The following MGAM variants were observed in gnomAD, a reference collection of about 807,000 sequenced individuals.
MGAM encodes maltase-glucoamylase, also known as alpha-1,4-glucosidase.
MGAM carries 253 observed loss-of-function variants against 358.8 expected under a neutral mutation model. That is an observed-to-expected ratio of 0.71 (90% CI 0.64 to 0.78). The LOEUF is 0.78. Among genes scored for constraint, MGAM ranks in the 30% least tolerant of loss-of-function variants. MGAM has a pLI of 0.00. For missense variants in MGAM, 3,080 were observed against 3,432.6 expected, an observed-to-expected ratio of 0.90 and a Z score of 2.57; for synonymous variants, 1,105 against 1,227.1, an observed-to-expected ratio of 0.90 and a Z score of 2.08.
At chr7:142,087,350 A>AT (rs893335631) in intron 57 of MGAM, among the ~76,000 whole-genome samples, 1 of 145,186 alleles carries the variant, frequency 6.9e-6, no homozygotes, top group South Asian at 2.2e-4. Flanking sequence ...CTGTACCTGA[A>AT]TTTTTTTCCA....
At chr7:142,007,522 G>T (rs562136738) in intron 2 of MGAM, among the ~76,000 whole-genome samples, 32 of 151,986 alleles carry the variant, frequency 2.1e-4, no homozygotes, top group Non-Finnish European at 4.6e-4. Context: ...TGATTCTAAA[G>T]ATGTAACTAA....
intron 25 of MGAM, 85 bp downstream of exon 25, chr7:142,052,531 A>T (rs1445612706): frequency 4.7e-5 from 72 of 1,528,110 alleles, no homozygotes; most frequent in Non-Finnish European, 6.2e-5. Context: ...TACTTACATA[A>T]CTACTTAAAA....
At chr7:142,043,640 A>G (rs1327482306) in intron 21 of MGAM, among the ~76,000 whole-genome samples, 2 of 134,684 alleles carry the variant, frequency 1.5e-5, no homozygotes, top group African/African-American at 5.5e-5. Context: ...ATATATACAT[A>G]TACTATCTAA....
At chr7:142,078,558 A>G in intron 48 of MGAM, 88 bp downstream of exon 48, 1 of 1,287,808 alleles carries the variant, frequency 7.8e-7, no homozygotes, top group Non-Finnish European at 1.1e-6. Flanking sequence ...TTATATAACT[A>G]CTTAAAATCC....
In MGAM at chr7:142,066,118, G is replaced by A. The variant is rs552504426; in HGVS notation, c.4770+287G>A. Among the ~76,000 whole-genome samples, 105 of 144,470 alleles carry A rather than the reference G, an allele frequency of 7.3e-4. 9 individuals are homozygous for A. Among genetic ancestry groups the A allele is most frequent in the African/African-American group, 2.3e-3 (94 of 40,926 alleles). The allele number at this position is 144,470 out of a possible 152,430, so 94.8% of individuals were successfully genotyped here. A position where few individuals can be genotyped will look rare whatever the true frequency, so the allele number is the denominator to read the frequency against. ...AGCTGGGATAAAGGCACATCCCAGC[G>A]TGGCTACCTAATTTTTGATTTTTTG... is the stretch of plus-strand genomic sequence containing the variant. On this transcript the variant is annotated intron_variant, in intron 40 of 70. Coordinates refer to ENST00000475668, the MANE Select transcript of MGAM (RefSeq NM_001365693.1).
chr7:142,055,729 A>G lies in MGAM; in HGVS notation c.3483+3A>G, dbSNP rs749936123. On this transcript the variant is annotated splice_donor_region_variant and intron_variant, in intron 28 of 70. Coordinates refer to ENST00000475668, the MANE Select transcript of MGAM (RefSeq NM_001365693.1). The stretch of plus-strand genomic sequence containing the variant: ...TCTCCCGAGACCAGCCCCCAGGGGT[A>G]AGGACAGAGCATTTGGGATCTGTGT... The G allele has an allele frequency of 3.7e-6, 6 of 1,613,814 alleles. No homozygotes were observed. The Admixed American group carries it at 1.0e-4, about 27-fold the overall frequency.
At chr7:142,105,174 T>C (rs1007537593) in intron 70 of MGAM, among the ~76,000 whole-genome samples, 2 of 152,030 alleles carry the variant, frequency 1.3e-5, no homozygotes, top group African/African-American at 4.8e-5. Context: ...TATAGTGGAA[T>C]AGGAGAAGGA....
At chr7:142,046,807 G>A (rs1201153816) in intron 21 of MGAM, among the ~76,000 whole-genome samples, 2 of 152,034 alleles carry the variant, frequency 1.3e-5, no homozygotes, top group Non-Finnish European at 2.9e-5. Flanking sequence ...CTGTGGTTCT[G>A]GACTCCTAGA....
At chr7:142,020,894 G>C (rs936270813) in intron 4 of MGAM, 80 bp from the exon 5 acceptor site, 1 of 993,024 alleles carries the variant, frequency 1.0e-6, no homozygotes, top group Admixed American at 2.0e-5. Flanking sequence ...ACCCAGCCCC[G>C]TGTATCATAA....
Position 142,019,327 on chromosome 7 carries a change from A to G in MGAM, c.448+8A>G, listed in dbSNP as rs200976716. On this transcript the variant is annotated splice_region_variant and intron_variant, in intron 4 of 70. Transcript: ENST00000475668. ...TTGTCAACACAAATGCAGGTAAGCC[A>G]GAGTCTGCCATGATGCAGGAGGTCC... 120 of 1,611,338 alleles carry G rather than the reference A, an allele frequency of 7.4e-5. No homozygotes were observed. The highest frequency in any genetic ancestry group is 8.8e-5 in the Non-Finnish European group (104 of 1,179,412).
At chr7:142,061,415 C>G (rs1812188705) in intron 34 of MGAM, among the ~76,000 whole-genome samples, 1 of 152,206 alleles carries the variant, frequency 6.6e-6, no homozygotes, top group Non-Finnish European at 1.5e-5. Flanking sequence ...AAAGGCATCC[C>G]TGGCATGCCC....
rs765033956 is a variant in MGAM at position 142,083,366 on chromosome 7, G to A, written c.6334G>A (p.Val2112Met). 6.4e-7 allele frequency: 1 copy of A among 1,554,098 alleles called. No individual in the cohort carries two copies. The highest frequency in any genetic ancestry group is 1.3e-5 in the African/African-American group (1 of 74,430). The change falls in exon 53 of 71, where the codon GTG becomes ATG. Residue 2112 changes from valine (V) to methionine (M), a missense_variant. This residue lies in a region of MGAM where 932 missense variants were observed against 1,198.2 expected (regional missense o/e 0.78). Coordinates refer to ENST00000475668, the MANE Select transcript of MGAM (RefSeq NM_001365693.1). ...RTTGGVLDFY[V>M]FLGPTPELVT... ...CACAGGGGGAGTTCTGGACTTTTAT[G>A]TGTTCTTGGGGCCAACTCCAGAGCT...
intron 34 of MGAM, 142 bp from the exon 35 acceptor site, chr7:142,062,426 G>T (rs543728492): frequency 1.0e-4 from 113 of 1,116,418 alleles, no homozygotes; most frequent in Non-Finnish European, 1.3e-4. Context: ...TCTCTAAGAA[G>T]TTAATAACAT....
At position 142,091,944 on chromosome 7, in the gene MGAM, T is replaced by G; in HGVS notation, c.6842T>G (p.Phe2281Cys). 6.5e-7 allele frequency: 1 copy of G among 1,528,698 alleles called. No individual in the cohort carries two copies. 94.7% of individuals were successfully genotyped at this position (1,528,698 alleles called of 1,614,324 possible). A position where few individuals can be genotyped will look rare whatever the true frequency, so the allele number is the denominator to read the frequency against. ...CGAGCTTATGTGGCCTTCCCAGACT[T>G]TTTCCGTAATTCAACTGCCAAGTGG... ...LYRAYVAFPD[F>C]FRNSTAKWWK... The change falls in exon 58 of 71, where the codon TTT (phenylalanine) becomes TGT (cysteine). Residue 2281 changes from phenylalanine to cysteine, a missense_variant. By Grantham distance (205) the Phe-to-Cys change is radical. Transcript: ENST00000475668.
chr7:141,999,534 G>A (rs1233645482), intron 1 of MGAM, among the ~76,000 whole-genome samples: 1 of 152,160 alleles, frequency 6.6e-6, no homozygotes, highest in Non-Finnish European at 1.5e-5. Context: ...TTTTTCATCT[G>A]AAAGTGAGGA....
chr7:142,059,071 T>G (rs1212749325), intron 31 of MGAM, among the ~76,000 whole-genome samples: 1 of 152,190 alleles, frequency 6.6e-6, no homozygotes, highest in Non-Finnish European at 1.5e-5. Context: ...TTGTAGTAGA[T>G]TTACTATTAG....
intron 8 of MGAM, among the ~76,000 whole-genome samples, chr7:142,026,303 G>A (rs1385577679): frequency 2.0e-5 from 3 of 152,136 alleles, no homozygotes; most frequent in African/African-American, 7.2e-5. Flanking sequence ...GGGGTATGTG[G>A]TGGGACATGT....
chr7:142,002,025 A>C (rs1804776398), intron 1 of MGAM, among the ~76,000 whole-genome samples: 1 of 152,186 alleles, frequency 6.6e-6, no homozygotes, highest in African/African-American at 2.4e-5. Flanking sequence ...CCACAGCAAA[A>C]AATGGTATGG....
In MGAM at chr7:142,041,998, A is replaced by T. The variant is rs535968712; in HGVS notation, c.2498+1152A>T. Among the ~76,000 whole-genome samples, 8 of 13,082 alleles carry T rather than the reference A, an allele frequency of 6.1e-4. 1 individual carries two copies. Among genetic ancestry groups the T allele is most frequent in the African/African-American group, 1.3e-3 (4 of 3,014 alleles). The allele number at this position is 13,082 out of a possible 152,430, so 8.6% of individuals were successfully genotyped here. A position where few individuals can be genotyped will look rare whatever the true frequency, so the allele number is the denominator to read the frequency against. ...TATATATATAATATAATATATATAT[A>T]TTATATATATAATATAATATATATA... On this transcript the variant is annotated intron_variant, in intron 21 of 70. Coordinates refer to ENST00000475668, the MANE Select transcript of MGAM (RefSeq NM_001365693.1).
Sources: gnomAD v4.1 joint callset for allele counts (sites outside exome capture counted in the v4.1 genomes callset) on GRCh38, gnomAD v4.1.1 for gene constraint, gnomAD v4.1.1 regional missense constraint, MANE v1.5 for transcripts, NCBI Gene and HGNC (gene_info 2026-07-23, HGNC 2026-07-21) for gene names.